TP73: variants seen among roughly 807,000 people sequenced by gnomAD.
TP73 encodes the protein p53-like transcription factor.
In TP73, 25 loss-of-function variants were observed where a neutral mutation model predicts 62.5. The ratio of observed to expected loss-of-function variants is 0.40; its 90% CI spans 0.29 to 0.56. The LOEUF (loss-of-function observed/expected upper bound fraction) is 0.56. Among genes scored for constraint, TP73 ranks in the 20% least tolerant of loss-of-function variants. The pLI is 0.46. For synonymous variants in TP73, 423 were observed against 377.5 expected, an observed-to-expected ratio of 1.12 and a Z score of -1.40; for missense variants, 754 against 913.3, an observed-to-expected ratio of 0.83 and a Z score of 2.25.
intron 3 of TP73, among the ~76,000 whole-genome samples, chr1:3,700,519 C>T (rs950910436): frequency 4.6e-5 from 7 of 152,096 alleles, no homozygotes; most frequent in African/African-American, 1.7e-4. Flanking sequence ...TAAAAAAAAT[C>T]ACTCAAATGC....
In TP73 at chr1:3,723,379, C is replaced by T. The variant is rs1422648042; in HGVS notation, c.642C>T (p.Leu214=). ...NEGQSAPASH[L]IRVEGNNLSQ... ...GACAGTCTGCTCCAGCCAGCCACCT[C>T]ATCCGCGTGGAAGGCAATAATCTCT... Residue 214 remains leucine, a synonymous_variant, in exon 6 of 14, where the codon CTC becomes CTT. Coordinates refer to ENST00000378295, the MANE Select transcript of TP73 (RefSeq NM_005427.4). The T allele has an allele frequency of 6.2e-7, 1 of 1,612,658 alleles. No individual in the cohort carries two copies. The highest frequency in any genetic ancestry group is 2.2e-5 in the East Asian group (1 of 44,886).
At chr1:3,676,185 A>G (rs1382003109) in intron 1 of TP73, among the ~76,000 whole-genome samples, 1 of 148,090 alleles carries the variant, frequency 6.8e-6, no homozygotes, top group Non-Finnish European at 1.5e-5. Context: ...ACACAGAAAC[A>G]GGAGCTAGGA....
At chr1:3,728,270 C>T (rs966634589) in intron 9 of TP73, 53 bp downstream of exon 9, 2 of 1,574,436 alleles carry the variant, frequency 1.3e-6, no homozygotes, top group Non-Finnish European at 1.7e-6. Flanking sequence ...CCTCTGTCGT[C>T]TGCTGAGCCC....
At chr1:3,688,358 A>G (rs1481744528) in intron 3 of TP73, among the ~76,000 whole-genome samples, 3 of 152,184 alleles carry the variant, frequency 2.0e-5, no homozygotes, top group African/African-American at 7.2e-5. Context: ...ACCCTGTGCC[A>G]TGAGTTTGGC....
intron 3 of TP73, among the ~76,000 whole-genome samples, chr1:3,685,502 G>T (rs933371308): frequency 6.6e-6 from 1 of 152,246 alleles, no homozygotes; most frequent in African/African-American, 2.4e-5. Context: ...CCAGGCCTGC[G>T]TGGGGAGAGC....
chr1:3,675,370 G>A (rs573322036), intron 1 of TP73, among the ~76,000 whole-genome samples: 1 of 152,144 alleles, frequency 6.6e-6, no homozygotes. Context: ...ACTTCAGATT[G>A]GAATCGTTGA....
chr1:3,691,967 G>A (rs775897235), intron 3 of TP73, among the ~76,000 whole-genome samples: 4 of 152,118 alleles, frequency 2.6e-5, no homozygotes, highest in Admixed American at 1.3e-4. Context: ...TGCATGTGGC[G>A]GGTGGGTATT....
In TP73 at chr1:3,734,608, C is replaced by T. The variant is rs1056897552; in HGVS notation, c.*1529C>T. ...CATCTCCCAGAAAAAGCAGTTAAGC[C>T]CCTCAGGGCACAGCAAGGTTAGACA... On this transcript the variant is annotated 3_prime_UTR_variant, in exon 14 of 14. Transcript: ENST00000378295. The surrounding 1 kb of genome is among the most constrained non-coding windows in gnomAD (Gnocchi z 4.4). 1.2e-4 allele frequency: 19 copies of T among 152,278 alleles called. No homozygotes were observed. The highest frequency in any genetic ancestry group is 3.6e-4 in the African/African-American group (15 of 41,436). 9.4% of individuals were successfully genotyped at this position (152,278 alleles called of 1,614,324 possible).
intron 3 of TP73, among the ~76,000 whole-genome samples, chr1:3,704,017 C>T (rs72846528): frequency 2.6e-3 from 395 of 152,288 alleles, no homozygotes; most frequent in African/African-American, 9.0e-3. Context: ...TGGGAGGGGC[C>T]GGCTCATGTC....
At chr1:3,678,889 C>G (rs1645438119) in intron 1 of TP73, among the ~76,000 whole-genome samples, 2 of 152,240 alleles carry the variant, frequency 1.3e-5, no homozygotes, top group African/African-American at 4.8e-5. Context: ...CTGCCCACAT[C>G]TCAGGCAAAC....
At chr1:3,690,728 C>A in intron 3 of TP73, 1 of 1,434,034 alleles carries the variant, frequency 7.0e-7, no homozygotes. Context: ...TGCCAACAAA[C>A]GGCCCGCATG....
chr1:3,678,989 G>A (rs1353617343), intron 1 of TP73, among the ~76,000 whole-genome samples: 1 of 152,228 alleles, frequency 6.6e-6, no homozygotes. Context: ...TGTCCTGTGA[G>A]CCTGGAGGGC....
rs565238929 is a variant in TP73 at position 3,665,162 on chromosome 1, G to T, written c.-34+12521G>T. On this transcript the variant is annotated intron_variant, in intron 1 of 13. Coordinates refer to ENST00000378295, the MANE Select transcript of TP73 (RefSeq NM_005427.4). ...AACCAGTCCCCTCATAATTACAAGA[G>T]TCTCCTGTCATGTTTTCTTCTGGAG... is the stretch of plus-strand genomic sequence containing the variant. Among the ~76,000 whole-genome samples the T allele has an allele frequency of 2.0e-5, 3 of 152,220 alleles. No homozygotes were observed. In the South Asian group the frequency reaches 6.2e-4, roughly 32 times the overall value.
intron 1 of TP73, among the ~76,000 whole-genome samples, chr1:3,674,293 G>A (rs1016295837): frequency 6.6e-6 from 1 of 152,218 alleles, no homozygotes; most frequent in African/African-American, 2.4e-5. Context: ...CTTCCCGTGG[G>A]CCACGGCCCA....
rs368757159 is a variant in TP73, at chr1:3,733,830, C to G, written c.*751C>G. 6.6e-6 allele frequency: 1 copy of G among 152,250 alleles called. No individual in the cohort carries two copies. The highest frequency in any genetic ancestry group is 1.5e-5 in the Non-Finnish European group (1 of 68,058). 9.4% of individuals were successfully genotyped at this position (152,250 alleles called of 1,614,324 possible). Reference sequence around the variant, plus strand: ...GCCACAGTCGCCTCTCCTCGGGGACCCCTCAGCAGAAAGGGACAGCCTGTC... The same window carrying G: ...GCCACAGTCGCCTCTCCTCGGGGACGCCTCAGCAGAAAGGGACAGCCTGTC... On this transcript the variant is annotated 3_prime_UTR_variant, in exon 14 of 14. Transcript: ENST00000378295.
rs1490513344 is a variant in TP73, at chr1:3,663,293, C to G, written c.-34+10652C>G. ...ATGAAAGACAAGTTAACAAGAGGGC[C>G]GTGCAGGCTTATTTACGAGAAGTTC... On this transcript the variant is annotated intron_variant, in intron 1 of 13. Coordinates refer to ENST00000378295, the MANE Select transcript of TP73 (RefSeq NM_005427.4). This position sits in a 1 kb window ranked among gnomAD's most constrained non-coding sequence, Gnocchi z 4.7. Among the ~76,000 whole-genome samples the G allele has an allele frequency of 6.6e-6, 1 of 152,174 alleles. No individual in the cohort carries two copies. Among genetic ancestry groups the G allele is most frequent in the Non-Finnish European group, 1.5e-5 (1 of 68,036 alleles).
chr1:3,725,700 G>C (rs1387884902), intron 6 of TP73, among the ~76,000 whole-genome samples: 2 of 130,854 alleles, frequency 1.5e-5, no homozygotes, highest in Non-Finnish European at 3.2e-5. Flanking sequence ...GAATGGATGA[G>C]TGGGTGGATG....
chr1:3,683,259 C>A (rs1420902393), intron 3 of TP73, 79 bp downstream of exon 3: 3 of 1,493,554 alleles, frequency 2.0e-6, no homozygotes, highest in African/African-American at 2.8e-5. Context: ...GGGAGCCTGG[C>A]AGAACCAGGA....
chr1:3,727,308 G>T (rs1641729866), intron 7 of TP73, 84 bp downstream of exon 7: 1 of 1,316,884 alleles, frequency 7.6e-7, no homozygotes, highest in African/African-American at 1.5e-5. Flanking sequence ...ATGGAGACCT[G>T]CAGGCCAAGG....
Sources: gnomAD v4.1 joint callset for allele counts (sites outside exome capture counted in the v4.1 genomes callset) on GRCh38, gnomAD v4.1.1 for gene constraint, Gnocchi (gnomAD v3.1) non-coding constraint, MANE v1.5 for transcripts, NCBI Gene and HGNC (gene_info 2026-07-23, HGNC 2026-07-21) for gene names.